SPEF2: variants seen among roughly 807,000 people sequenced by gnomAD.
The protein encoded by SPEF2 is sperm flagella and cilia-associated protein 2.
A neutral mutation model predicts 224.6 loss-of-function variants in SPEF2; 187 were observed. That is an observed-to-expected ratio of 0.83 (90% CI 0.74 to 0.94). The LOEUF is 0.94. SPEF2 is among the 40% of genes least tolerant of loss of function. The pLI, the probability that SPEF2 is intolerant of heterozygous loss-of-function variation, is 0.00. For synonymous variants in SPEF2, 715 were observed against 707.3 expected, an observed-to-expected ratio of 1.01 and a Z score of -0.17; for missense variants, 2,170 against 2,135.6, an observed-to-expected ratio of 1.02 and a Z score of -0.32.
intron 1 of SPEF2, among the ~76,000 whole-genome samples, chr5:35,618,898 G>C (rs922720574): frequency 2.7e-5 from 4 of 150,514 alleles, no homozygotes; most frequent in Middle Eastern, 3.4e-3. Context: ...CTTAAGGGAA[G>C]AGGTTTTCAG....
intron 33 of SPEF2, among the ~76,000 whole-genome samples, chr5:35,798,627 C>CT (rs1177998117): frequency 1.3e-5 from 2 of 151,776 alleles, no homozygotes; most frequent in Non-Finnish European, 2.9e-5. Flanking sequence ...TTATCTTCTT[C>CT]TTTTTTTTCA....
chr5:35,691,085 C>T lies in SPEF2; in HGVS notation c.1573C>T (p.Pro525Ser). Residue 525 changes from proline (P) to serine (S), a missense_variant, in exon 11 of 37, where the codon CCA becomes TCA. By Grantham distance (74) the Pro-to-Ser change is moderately conservative. Coordinates refer to ENST00000356031, the MANE Select transcript of SPEF2 (RefSeq NM_024867.4). The part of the protein sequence containing the change: ...ALPEEMVDNL[P>S]PSNNCILGHI... ...ACCAGAAGAAATGGTTGACAATTTA[C>T]CACCCTCCAACAATTGCATACTGGG... 1 of 1,613,994 alleles carries T rather than the reference C, an allele frequency of 6.2e-7. No homozygotes were observed. Among genetic ancestry groups the T allele is most frequent in the Non-Finnish European group, 8.5e-7 (1 of 1,179,964 alleles).
intron 16 of SPEF2, among the ~76,000 whole-genome samples, chr5:35,702,933 T>G (rs2149570119): frequency 6.6e-6 from 1 of 152,064 alleles, no homozygotes; most frequent in South Asian, 2.1e-4. Flanking sequence ...GTTTGGTGAC[T>G]GGTATGCGAG....
At chr5:35,679,328 A>G (rs539217759) in intron 10 of SPEF2, among the ~76,000 whole-genome samples, 3 of 152,308 alleles carry the variant, frequency 2.0e-5, no homozygotes, top group South Asian at 2.1e-4. Context: ...AGAAACAGGA[A>G]GAGACAGAGG....
intron 24 of SPEF2, among the ~76,000 whole-genome samples, chr5:35,755,311 GTAT>G (rs1750274564): frequency 6.6e-6 from 1 of 152,172 alleles, no homozygotes; most frequent in South Asian, 2.1e-4. Context: ...CAAAAATCAA[GTAT>G]TATAAACAGT....
At chr5:35,734,512 A>G (rs1433462481) in intron 21 of SPEF2, among the ~76,000 whole-genome samples, 2 of 149,276 alleles carry the variant, frequency 1.3e-5, no homozygotes, top group East Asian at 3.9e-4. Context: ...ACGAATTTAT[A>G]TTGGGCCACA....
At chr5:35,652,818 T>C (rs1748389988) in intron 6 of SPEF2, among the ~76,000 whole-genome samples, 1 of 152,212 alleles carries the variant, frequency 6.6e-6, no homozygotes, top group African/African-American at 2.4e-5. Context: ...ACTATGTTTT[T>C]ATCAGAGTAC....
intron 10 of SPEF2, among the ~76,000 whole-genome samples, chr5:35,686,286 A>T (rs1428340108): frequency 6.7e-6 from 1 of 149,330 alleles, no homozygotes; most frequent in African/African-American, 2.6e-5. Flanking sequence ...AGTTTAATAA[A>T]TAGGTTATAT....
At chr5:35,790,204 C>T in intron 30 of SPEF2, 1 of 695,896 alleles carries the variant, frequency 1.4e-6, no homozygotes. Context: ...AAAATCAAGG[C>T]TGAAAGTATG....
At chr5:35,702,405 A>G (rs1313152580) in intron 16 of SPEF2, 1 of 434,662 alleles carries the variant, frequency 2.3e-6, no homozygotes, top group Non-Finnish European at 4.6e-6. Flanking sequence ...AAAAGGCTGC[A>G]TTGGAATGGA....
At chr5:35,769,163 G>A (rs949198144) in intron 26 of SPEF2, among the ~76,000 whole-genome samples, 14 of 152,070 alleles carry the variant, frequency 9.2e-5, no homozygotes, top group African/African-American at 3.1e-4. Flanking sequence ...AATTATGCAG[G>A]TAATTATGAT....
chr5:35,702,652 C>T (rs531477379), intron 16 of SPEF2, among the ~76,000 whole-genome samples: 1 of 151,956 alleles, frequency 6.6e-6, no homozygotes, highest in Non-Finnish European at 1.5e-5. Flanking sequence ...TTAGTGTATG[C>T]GTTTTTTGGC....
rs950295840 is a variant in SPEF2 at position 35,729,447 on chromosome 5, G to A, written c.3063+1624G>A. Among the ~76,000 whole-genome samples the A allele has an allele frequency of 7.9e-5, 12 of 152,296 alleles. No homozygotes were observed. In the East Asian group the frequency reaches 2.1e-3, roughly 27 times the overall value. ...TACTCTGGCCAAGAAGATGGAGGGC[G>A]AGGGAGTTTCCTGAAGTACTTACGT... On this transcript the variant is annotated intron_variant, in intron 21 of 36. Transcript: ENST00000356031.
At chr5:35,788,794 A>T (rs1385465715) in intron 30 of SPEF2, 5 of 702,844 alleles carry the variant, frequency 7.1e-6, no homozygotes, top group Non-Finnish European at 1.3e-5. Flanking sequence ...TATCTTACAA[A>T]GCGGTGTTCC....
chr5:35,806,225 C>G (rs556951225), intron 34 of SPEF2, among the ~76,000 whole-genome samples: 7 of 152,144 alleles, frequency 4.6e-5, no homozygotes, highest in Non-Finnish European at 1.0e-4. Flanking sequence ...ATTTTGTACA[C>G]TGGATTTGTT....
chr5:35,789,740 C>A, intron 30 of SPEF2: 1 of 682,992 alleles, frequency 1.5e-6, no homozygotes. Flanking sequence ...ACCTATTATT[C>A]TCCCATGGTC....
Position 35,641,506 on chromosome 5 carries a change from GA to G in SPEF2, c.239del (p.Asn80MetfsTer33). 6.2e-7 allele frequency: 1 copy of G among 1,613,828 alleles called. No individual in the cohort carries two copies. Among genetic ancestry groups the G allele is most frequent in the African/African-American group, 1.3e-5 (1 of 75,002 alleles). On this transcript the variant is annotated frameshift_variant, in exon 3 of 37. Transcript: ENST00000356031. LOFTEE classifies it high-confidence loss of function. ...ACCTTCTGGGTGTGCAGTTTGATCA[GA>G]ATGTGGCCCATGGCATCATCACAGA... ...LNLLGVQFDQNVAHGIITEKP... is the reference protein window; with the variant it reads ...LNLLGVQFDQXVAHGIITEKP...
intron 34 of SPEF2, among the ~76,000 whole-genome samples, chr5:35,806,168 T>C (rs887565048): frequency 3.3e-5 from 5 of 152,234 alleles, no homozygotes; most frequent in African/African-American, 1.2e-4. Context: ...CCTGAGTTCA[T>C]GGCTTTTGGC....
intron 30 of SPEF2, among the ~76,000 whole-genome samples, chr5:35,783,352 TA>T (rs1754609309): frequency 6.6e-6 from 1 of 152,176 alleles, no homozygotes; most frequent in African/African-American, 2.4e-5. Context: ...CTGCCTCAGT[TA>T]CCACATCTGT....
Sources: allele counts gnomAD v4.1 joint callset (sites outside exome capture counted in the v4.1 genomes callset), GRCh38; gene constraint gnomAD v4.1.1; transcripts MANE v1.5; gene names NCBI Gene and HGNC (gene_info 2026-07-23, HGNC 2026-07-21).